DPP10: variants seen among roughly 807,000 people sequenced by gnomAD.
DPP10 encodes the protein inactive dipeptidyl peptidase 10.
In DPP10, 33 loss-of-function variants were observed where a neutral mutation model predicts 120.9. That is an observed-to-expected ratio of 0.27 (90% confidence interval 0.21 to 0.37). The LOEUF (loss-of-function observed/expected upper bound fraction) is 0.37. Among genes scored for constraint, DPP10 ranks in the 10% least tolerant of loss-of-function variants. DPP10 has a pLI of 1.00. For synonymous variants in DPP10, 337 were observed against 326.1 expected, an observed-to-expected ratio of 1.03 and a Z score of -0.36; for missense variants, 816 against 942.8, an observed-to-expected ratio of 0.87 and a Z score of 1.76.
intron 1 of DPP10, among the ~76,000 whole-genome samples, chr2:114,628,045 A>G (rs890293244): frequency 2.6e-5 from 4 of 152,086 alleles, no homozygotes; most frequent in African/African-American, 9.7e-5. Context: ...GATATAAGGG[A>G]CTGAAGGCAT....
At chr2:114,810,593 AG>A (rs1311702591) in intron 1 of DPP10, among the ~76,000 whole-genome samples, 1 of 152,212 alleles carries the variant, frequency 6.6e-6, no homozygotes, top group Non-Finnish European at 1.5e-5. Flanking sequence ...CTAAATCAAA[AG>A]GCACATTTTC....
At chr2:115,635,631 C>G (rs1039980884) in intron 5 of DPP10, among the ~76,000 whole-genome samples, 3 of 152,116 alleles carry the variant, frequency 2.0e-5, no homozygotes, top group Non-Finnish European at 2.9e-5. Context: ...AAGTAGTAGC[C>G]GCACCTGTTC....
chr2:114,841,286 A>G (rs1462068644), intron 1 of DPP10, among the ~76,000 whole-genome samples: 2 of 152,170 alleles, frequency 1.3e-5, no homozygotes, highest in Non-Finnish European at 2.9e-5. Context: ...GATTCAGGAA[A>G]GCTTGTGTTT....
At chr2:115,813,140 C>T (rs1283653139) in intron 19 of DPP10, among the ~76,000 whole-genome samples, 1 of 147,108 alleles carries the variant, frequency 6.8e-6, no homozygotes, top group South Asian at 2.1e-4. Context: ...CGCCACCGCG[C>T]CCGGCTAATT....
At chr2:115,637,698 A>G (rs2086458489) in intron 5 of DPP10, among the ~76,000 whole-genome samples, 1 of 152,240 alleles carries the variant, frequency 6.6e-6, no homozygotes, top group Non-Finnish European at 1.5e-5. Flanking sequence ...AACATGTTTC[A>G]TAGGCATAAG....
intron 3 of DPP10, among the ~76,000 whole-genome samples, chr2:115,451,043 C>T (rs569238391): frequency 3.2e-4 from 49 of 151,844 alleles, no homozygotes; most frequent in Non-Finnish European, 6.2e-4. Context: ...AATTACAAAC[C>T]TTCTAAATGG....
intron 5 of DPP10, among the ~76,000 whole-genome samples, chr2:115,652,022 C>G (rs573822585): frequency 6.6e-6 from 1 of 152,084 alleles, no homozygotes; most frequent in African/African-American, 2.4e-5. Flanking sequence ...AATTCAGACT[C>G]TATAATTGAC....
chr2:115,002,458 C>G (rs1274564870), intron 1 of DPP10, among the ~76,000 whole-genome samples: 1 of 152,056 alleles, frequency 6.6e-6, no homozygotes, highest in East Asian at 1.9e-4. Context: ...GACATAGGAC[C>G]TGGCAAAGAT....
At chr2:114,764,692 A>T (rs928685922) in intron 1 of DPP10, among the ~76,000 whole-genome samples, 1 of 152,146 alleles carries the variant, frequency 6.6e-6, no homozygotes, top group African/African-American at 2.4e-5. Context: ...GGGTTAGAAC[A>T]CAATGTTGCC....
Position 114,750,575 on chromosome 2 carries a change from C to G in DPP10, c.60+307737C>G, listed in dbSNP as rs375562372. ...GTCTCGATCTCCTAACCTCGTGATC[C>G]GCCCGCCTCAGCCTCCCAAAGTGCT... On this transcript the variant is annotated intron_variant, in intron 1 of 25. Coordinates refer to ENST00000410059, the MANE Select transcript of DPP10 (RefSeq NM_020868.6). 5.1e-4 allele frequency among the ~76,000 whole-genome samples: 78 copies of G among 152,256 alleles called. 1 individual carries two copies. The highest frequency in any genetic ancestry group is 2.4e-3 in the Admixed American group (37 of 15,294).
At chr2:115,131,468 G>A (rs1038008222) in intron 1 of DPP10, among the ~76,000 whole-genome samples, 2 of 152,102 alleles carry the variant, frequency 1.3e-5, no homozygotes, top group African/African-American at 2.4e-5. Context: ...AGCCCTGATT[G>A]AGCCACTGTG....
chr2:115,179,386 A>C (rs1008829620), intron 1 of DPP10, among the ~76,000 whole-genome samples: 2 of 152,194 alleles, frequency 1.3e-5, no homozygotes, highest in Non-Finnish European at 2.9e-5. Flanking sequence ...TTATTAAAAA[A>C]TATAGAGACT....
chr2:114,918,895 A>G, intron 1 of DPP10, among the ~76,000 whole-genome samples: 1 of 152,072 alleles, frequency 6.6e-6, no homozygotes, highest in East Asian at 1.9e-4. Flanking sequence ...AACCTTACTG[A>G]CACACAACTT....
At chr2:115,776,232 A>G (rs1292042624) in intron 13 of DPP10, among the ~76,000 whole-genome samples, 2 of 152,108 alleles carry the variant, frequency 1.3e-5, no homozygotes. Flanking sequence ...TACACGTGCC[A>G]TGGTGGTTTG....
At chr2:114,825,880 G>T (rs951475798) in intron 1 of DPP10, among the ~76,000 whole-genome samples, 9 of 152,178 alleles carry the variant, frequency 5.9e-5, no homozygotes, top group African/African-American at 1.9e-4. Context: ...CTACTGGTGA[G>T]GGAGAGAGAT....
chr2:115,681,814 CTTCCTTCT>C (rs1368145208), intron 5 of DPP10, among the ~76,000 whole-genome samples: 22 of 90,054 alleles, frequency 2.4e-4, no homozygotes, highest in Non-Finnish European at 4.0e-4. Context: ...TCCTTCCTTC[CTTCCTTCT>C]TTCTTCCTCT....
intron 1 of DPP10, among the ~76,000 whole-genome samples, chr2:114,758,911 T>C (rs1373348648): frequency 1.3e-5 from 2 of 152,216 alleles, no homozygotes; most frequent in African/African-American, 4.8e-5. Flanking sequence ...GCCTTTCATA[T>C]CTGTAATCTA....
intron 1 of DPP10, among the ~76,000 whole-genome samples, chr2:115,221,427 C>T (rs974852275): frequency 6.6e-6 from 1 of 152,094 alleles, no homozygotes; most frequent in Non-Finnish European, 1.5e-5. Flanking sequence ...TCATGCGGAA[C>T]AGCCTATTTT....
intron 1 of DPP10, among the ~76,000 whole-genome samples, chr2:114,886,035 G>T (rs902311239): frequency 6.6e-6 from 1 of 152,116 alleles, no homozygotes; most frequent in African/African-American, 2.4e-5. Flanking sequence ...TTATGAGACT[G>T]TTATTTCCAT....
Sources: allele counts gnomAD v4.1 joint callset (sites outside exome capture counted in the v4.1 genomes callset), GRCh38; gene constraint gnomAD v4.1.1; transcripts MANE v1.5; gene names NCBI Gene and HGNC (gene_info 2026-07-23, HGNC 2026-07-21).